Variants in ZMYM2 observed in about 807,000 individuals in gnomAD.
ZMYM2 encodes zinc finger MYM-type containing 2, also known as zinc finger MYM-type protein 2.
A neutral mutation model predicts 162.8 loss-of-function variants in ZMYM2; 56 were observed. The ratio of observed to expected loss-of-function variants is 0.34; its 90% CI spans 0.28 to 0.43. The LOEUF is 0.43. Ranked by LOEUF, ZMYM2 falls within the 20% of genes least tolerant of loss-of-function variation. The probability of loss-of-function intolerance (pLI) is 1.00; values close to 1 mark genes in which losing one functional copy is unlikely to be tolerated. For missense variants in ZMYM2, 1,275 were observed against 1,621.8 expected (o/e 0.79, Z 3.67); for synonymous variants, 510 against 541.6 (o/e 0.94, Z 0.81).
chr13:19,922,782 T>A, the ZMYM2 span, among the ~76,000 whole-genome samples: 1 of 151,558 alleles, frequency 6.6e-6, no homozygotes, highest in South Asian at 2.1e-4. Context: ...AGGCAGAGCT[T>A]ACAGTGAGCC....
In ZMYM2 at chr13:20,088,989, A is replaced by G. The variant is rs1049256325; in HGVS notation, c.*2975A>G. On this transcript the variant is annotated 3_prime_UTR_variant, in exon 25 of 25. Transcript: ENST00000610343. The stretch of plus-strand genomic sequence containing the variant: ...ATTATGCCAGTTATTTCCAAAATGT[A>G]TTGTTATACATGTCACTTATGTTTT... 2 of 198,396 alleles carry G rather than the reference A, an allele frequency of 1.0e-5. No individual in the cohort carries two copies. Among genetic ancestry groups the G allele is most frequent in the African/African-American group, 2.3e-5 (1 of 43,432 alleles). The allele number at this position is 198,396 out of a possible 1,614,324, so 12.3% of individuals were successfully genotyped here.
At position 20,034,309 on chromosome 13, in the gene ZMYM2, A is replaced by G. The variant is rs745784800; in HGVS notation, c.2024A>G (p.His675Arg). The G allele has an allele frequency of 1.9e-6, 3 of 1,611,148 alleles. No individual in the cohort carries two copies. Among genetic ancestry groups the G allele is most frequent in the South Asian group, 1.1e-5 (1 of 90,254 alleles). ...TGTTCAGATGACTATAAGAAGTTGC[A>G]TTGCATAGTTACATATTGCGAATAC... ...KTCSDDYKKL[H>R]CIVTYCEYCQ... The change falls in exon 11 of 25, where the codon CAT becomes CGT. Residue 675 changes from histidine (H) to arginine (R), a missense_variant. Coordinates refer to ENST00000610343, the MANE Select transcript of ZMYM2 (RefSeq NM_197968.4).
chr13:19,914,051 G>T, the ZMYM2 span, among the ~76,000 whole-genome samples: 1 of 151,676 alleles, frequency 6.6e-6, no homozygotes. Flanking sequence ...CATTTTGTTA[G>T]AAGGAGAAAT....
In ZMYM2 at chr13:20,079,345, G is replaced by GAAAAAAA. The variant is rs1957754259; in HGVS notation, c.3454-2670_3454-2669insAAAAAAA. ...AAAAAAAAAAAAAAAAAAAAAAAAG[G>GAAAAAAA]ATACTTAATGAATTCAAATCCCATA... On this transcript the variant is annotated intron_variant, in intron 21 of 24. Coordinates refer to ENST00000610343, the MANE Select transcript of ZMYM2 (RefSeq NM_197968.4). Among the ~76,000 whole-genome samples, 13 of 19,138 alleles carry GAAAAAAA rather than the reference G, an allele frequency of 6.8e-4. 1 individual carries two copies. The highest frequency in any genetic ancestry group is 1.5e-3 in the African/African-American group (10 of 6,570). 12.6% of individuals were successfully genotyped at this position (19,138 alleles called of 152,430 possible).
chr13:20,032,640 G>A (rs1253422677), intron 10 of ZMYM2, among the ~76,000 whole-genome samples: 17 of 113,656 alleles, frequency 1.5e-4, no homozygotes, highest in African/African-American at 4.0e-4. Context: ...ATGGAGTCTC[G>A]CTCTGTTGCC....
intron 14 of ZMYM2, 31 bp from the exon 15 acceptor site, chr13:20,058,538 CATAAAA>C (rs774989850): frequency 6.3e-7 from 1 of 1,595,492 alleles, no homozygotes; most frequent in African/African-American, 1.4e-5. Flanking sequence ...GAAAATTAGA[CATAAAA>C]ATAAAAATGT....
At chr13:19,987,347 T>C (rs1949242165) in intron 2 of ZMYM2, among the ~76,000 whole-genome samples, 2 of 151,726 alleles carry the variant, frequency 1.3e-5, no homozygotes, top group African/African-American at 4.8e-5. Context: ...CACGGCAGAA[T>C]CCACCTCCTT....
chr13:19,872,752 A>G, the ZMYM2 span, among the ~76,000 whole-genome samples: 1 of 151,950 alleles, frequency 6.6e-6, no homozygotes, highest in African/African-American at 2.4e-5. Flanking sequence ...TAATCCCAGC[A>G]CTTTGGGAGG....
chr13:19,916,710 C>T, the ZMYM2 span, among the ~76,000 whole-genome samples: 3 of 8,698 alleles, frequency 3.4e-4, no homozygotes, highest in Non-Finnish European at 6.5e-4. Flanking sequence ...CGGGGCTTGT[C>T]GGGGGGTGGG....
intron 2 of ZMYM2, among the ~76,000 whole-genome samples, chr13:19,981,673 G>A (rs550369846): frequency 6.6e-5 from 10 of 152,180 alleles, no homozygotes; most frequent in Admixed American, 1.3e-4. Flanking sequence ...CTAGCATTCC[G>A]TTCATTTTTG....
the ZMYM2 span, among the ~76,000 whole-genome samples, chr13:19,893,977 G>C: frequency 6.6e-6 from 1 of 151,730 alleles, no homozygotes; most frequent in Non-Finnish European, 1.5e-5. Flanking sequence ...ATAATGTAGG[G>C]AGTGGTGGAG....
intron 9 of ZMYM2, 113 bp from the exon 10 acceptor site, chr13:20,031,206 A>T (rs1953097925): frequency 3.0e-6 from 2 of 670,616 alleles, no homozygotes; most frequent in South Asian, 4.7e-5. Flanking sequence ...TGCTGAAAAG[A>T]TATCTAAGCA....
chr13:19,921,669 A>G, the ZMYM2 span, among the ~76,000 whole-genome samples: 1,840 of 152,290 alleles, frequency 0.012, 37 homozygotes, highest in African/African-American at 0.042. Flanking sequence ...ATATTCTTCA[A>G]TATCTCACTA....
the ZMYM2 span, among the ~76,000 whole-genome samples, chr13:19,925,995 C>G: frequency 2.7e-5 from 4 of 150,536 alleles, no homozygotes; most frequent in Non-Finnish European, 5.9e-5. Flanking sequence ...GAGTCTTGCT[C>G]TGTCGCCCAG....
the ZMYM2 span, among the ~76,000 whole-genome samples, chr13:19,916,780 G>A: frequency 3.3e-5 from 5 of 152,084 alleles, no homozygotes; most frequent in Admixed American, 3.3e-4. Flanking sequence ...GTTGATGGGT[G>A]CGGCAAACCA....
intron 3 of ZMYM2, among the ~76,000 whole-genome samples, chr13:19,996,992 C>G (rs1049935270): frequency 6.6e-6 from 1 of 152,124 alleles, no homozygotes; most frequent in Non-Finnish European, 1.5e-5. Context: ...TGTGCTGGTG[C>G]GTGTTAATAG....
At chr13:19,986,780 A>G (rs1949181660) in intron 2 of ZMYM2, among the ~76,000 whole-genome samples, 1 of 152,016 alleles carries the variant, frequency 6.6e-6, no homozygotes, top group Non-Finnish European at 1.5e-5. Flanking sequence ...TTAAAGTAGA[A>G]TCATTATTAT....
At chr13:19,872,036 C>A in the ZMYM2 span, among the ~76,000 whole-genome samples, 1 of 151,970 alleles carries the variant, frequency 6.6e-6, no homozygotes, top group African/African-American at 2.4e-5. Context: ...ATGGTATAAT[C>A]ACAGCTCATT....
intron 2 of ZMYM2, among the ~76,000 whole-genome samples, chr13:19,989,099 G>GT (rs113434815): frequency 5.3e-5 from 8 of 152,020 alleles, no homozygotes; most frequent in African/African-American, 1.9e-4. Flanking sequence ...TCTCTCAAGA[G>GT]TTTTTTTCCC....
Sources: allele counts gnomAD v4.1 joint callset (sites outside exome capture counted in the v4.1 genomes callset), GRCh38; gene constraint gnomAD v4.1.1; transcripts MANE v1.5; gene names NCBI Gene and HGNC (gene_info 2026-07-23, HGNC 2026-07-21).